Variants in PLEKHA8 observed in about 807,000 individuals in gnomAD.
PLEKHA8 encodes pleckstrin homology domain-containing family A member 8.
Under a neutral mutation model 68.2 loss-of-function variants are expected in PLEKHA8, and 36 were observed. That is an observed-to-expected ratio of 0.53 (90% CI 0.40 to 0.70). The LOEUF is 0.70. Among genes scored for constraint, PLEKHA8 ranks in the 30% least tolerant of loss-of-function variants. The probability of loss-of-function intolerance (pLI) is 0.00; values close to 1 mark genes in which losing one functional copy is unlikely to be tolerated. For synonymous variants in PLEKHA8, 211 were observed against 216.1 expected, an observed-to-expected ratio of 0.98 and a Z score of 0.20; for missense variants, 505 against 615.4, an observed-to-expected ratio of 0.82 and a Z score of 1.90.
At chr7:30,115,852 ATACATACGTG>A (rs1796471803) in intron 13 of PLEKHA8, 2 of 149,376 alleles carry the variant, frequency 1.3e-5, no homozygotes, top group African/African-American at 4.9e-5. Context: ...ACACGTATGC[ATACATACGTG>A]CACATACATG....
intron 1 of PLEKHA8, among the ~76,000 whole-genome samples, chr7:30,043,659 C>T (rs558435656): frequency 1.8e-4 from 27 of 152,272 alleles, no homozygotes; most frequent in Middle Eastern, 3.4e-3. Flanking sequence ...AAATATGTTG[C>T]CTACCTACCC....
intron 13 of PLEKHA8, among the ~76,000 whole-genome samples, chr7:30,098,409 G>A (rs1292258363): frequency 6.6e-6 from 1 of 152,272 alleles, no homozygotes; most frequent in Non-Finnish European, 1.5e-5. Flanking sequence ...GTTTGTCTGT[G>A]CCCTGCCCCC....
chr7:30,055,458 T>G, intron 9 of PLEKHA8, 116 bp downstream of exon 9: 1 of 870,850 alleles, frequency 1.1e-6, no homozygotes, highest in Non-Finnish European at 1.9e-6. Context: ...CTTGGCTATT[T>G]GTTCAAATCA....
At chr7:30,036,285 G>A (rs568552115) in intron 1 of PLEKHA8, among the ~76,000 whole-genome samples, 20 of 151,872 alleles carry the variant, frequency 1.3e-4, no homozygotes, top group African/African-American at 4.1e-4. Context: ...TAAATAAATA[G>A]ATAGATAGAT....
rs953316990 is a variant in PLEKHA8, at chr7:30,081,415, C to G, written c.*2628C>G. ...ATACTAAACAGTAAATTCAGCTTAACCTGAACCTTGGCATAGTCAGAGCTT... is the reference window on the plus strand; with the variant it reads ...ATACTAAACAGTAAATTCAGCTTAAGCTGAACCTTGGCATAGTCAGAGCTT... On this transcript the variant is annotated 3_prime_UTR_variant, in exon 14 of 14. Transcript: ENST00000449726. The G allele has an allele frequency of 1.0e-6, 1 of 984,510 alleles. No individual in the cohort carries two copies. Among genetic ancestry groups the G allele is most frequent in the African/African-American group, 1.7e-5 (1 of 57,336 alleles). 61.0% of individuals were successfully genotyped at this position (984,510 alleles called of 1,614,324 possible). A position where few individuals can be genotyped will look rare whatever the true frequency, so the allele number is the denominator to read the frequency against.
At chr7:30,074,246 TTG>T (rs149548208) in intron 13 of PLEKHA8, 114 bp downstream of exon 13, 5,060 of 484,196 alleles carry the variant, frequency 0.01, no homozygotes, top group Non-Finnish European at 0.012. Flanking sequence ...AGAAACAAAG[TTG>T]TGTGTGTGTG....
At chr7:30,097,457 G>A (rs559193591) in intron 13 of PLEKHA8, among the ~76,000 whole-genome samples, 27 of 152,228 alleles carry the variant, frequency 1.8e-4, no homozygotes, top group African/African-American at 6.5e-4. Flanking sequence ...ATCACTTTCA[G>A]GTACACCAAT....
chr7:30,038,157 G>A (rs1304981327), intron 1 of PLEKHA8, among the ~76,000 whole-genome samples: 1 of 152,110 alleles, frequency 6.6e-6, no homozygotes. Flanking sequence ...TTATTTAAGA[G>A]TCATTATTGG....
rs78275840 is a variant in PLEKHA8, at chr7:30,089,762, A to G, written c.1301-391A>G. ...CACAGGTGTGTTGTGCTCTCAGAGA[A>G]CTTAGAAAACATGAACTCAATAAAA... On this transcript the variant is annotated intron_variant, in intron 12 of 12. Transcript: ENST00000258679. 0.013 allele frequency among the ~76,000 whole-genome samples: 1,969 copies of G among 152,312 alleles called. 66 individuals are homozygous for G. The East Asian group carries it at 0.13, about 10-fold the overall frequency.
chr7:30,042,198 C>T (rs554963993), intron 1 of PLEKHA8, among the ~76,000 whole-genome samples: 6 of 152,304 alleles, frequency 3.9e-5, no homozygotes, highest in African/African-American at 1.4e-4. Flanking sequence ...TAGCATGGAA[C>T]TTAACCGTGA....
intron 13 of PLEKHA8, among the ~76,000 whole-genome samples, chr7:30,109,578 C>T (rs1353789255): frequency 3.3e-5 from 3 of 91,344 alleles, no homozygotes; most frequent in African/African-American, 8.3e-5. Flanking sequence ...ACGAGTGAAA[C>T]TCTGTCTCAA....
In PLEKHA8 at chr7:30,118,678, T is replaced by C. The variant is rs574822051; in HGVS notation, c.1363-10588T>C. Among the ~76,000 whole-genome samples the C allele has an allele frequency of 1.9e-3, 294 of 151,982 alleles. 3 individuals carry two copies. The highest frequency in any genetic ancestry group is 0.018 in the South Asian group (88 of 4,808). ...CTGCAAGCTCCGCCTGCCGGGTTCATGCCATTCTCCTGCCTCAGCCTCCCC... is the reference window on the plus strand; with the variant it reads ...CTGCAAGCTCCGCCTGCCGGGTTCACGCCATTCTCCTGCCTCAGCCTCCCC... On this transcript the variant is annotated intron_variant, in intron 13 of 13. Coordinates refer to the PLEKHA8 transcript ENST00000396257.
intron 13 of PLEKHA8, among the ~76,000 whole-genome samples, chr7:30,111,313 G>A (rs1175056604): frequency 2.0e-5 from 3 of 151,988 alleles, no homozygotes; most frequent in Non-Finnish European, 2.9e-5. Context: ...AAAATCAATT[G>A]ACTATTAATA....
At chr7:30,089,304 C>A (rs1795310585), downstream of PLEKHA8, among the ~76,000 whole-genome samples, 2 of 152,116 alleles carry the variant, frequency 1.3e-5, no homozygotes, top group Admixed American at 1.3e-4. Context: ...TCATGCTGTT[C>A]TGGCCACCCC....
intron 13 of PLEKHA8, among the ~76,000 whole-genome samples, chr7:30,104,066 G>C (rs1379681403): frequency 1.3e-5 from 2 of 152,114 alleles, no homozygotes; most frequent in East Asian, 3.8e-4. Flanking sequence ...TTTTATAAAA[G>C]ACCACATACA....
chr7:30,050,578 G>T, intron 6 of PLEKHA8, 104 bp downstream of exon 6: 2 of 1,343,888 alleles, frequency 1.5e-6, no homozygotes, highest in South Asian at 3.2e-5. Flanking sequence ...TTTTTCTCAG[G>T]ATTTGAAATA....
At chr7:30,116,946 G>A (rs1231655653) in intron 13 of PLEKHA8, among the ~76,000 whole-genome samples, 5 of 152,368 alleles carry the variant, frequency 3.3e-5, no homozygotes, top group Non-Finnish European at 7.3e-5. Flanking sequence ...GCACTCCCCT[G>A]CCCGCCTTCC....
chr7:30,078,982 A>T lies in PLEKHA8; in HGVS notation c.*195A>T. ...TTGTTTAAAGATCAAGGTGCTATAT[A>T]TTTCAGTTCAGCAGGCCTACTGGAA... On this transcript the variant is annotated 3_prime_UTR_variant, in exon 14 of 14. Coordinates refer to ENST00000449726, the MANE Select transcript of PLEKHA8 (RefSeq NM_001197026.2). 2.2e-6 allele frequency: 3 copies of T among 1,362,610 alleles called. No homozygotes were observed. In the Admixed American group the frequency reaches 9.9e-5, roughly 45 times the overall value. The allele number at this position is 1,362,610 out of a possible 1,614,324, so 84.4% of individuals were successfully genotyped here.
chr7:30,109,752 A>G (rs1340663814), intron 13 of PLEKHA8, among the ~76,000 whole-genome samples: 1 of 150,546 alleles, frequency 6.6e-6, no homozygotes, highest in East Asian at 2.0e-4. Flanking sequence ...CCTCACTGCA[A>G]CCTTCGCCTC....
Sources: gnomAD v4.1 joint callset for allele counts (sites outside exome capture counted in the v4.1 genomes callset) on GRCh38, gnomAD v4.1.1 for gene constraint, MANE v1.5 for transcripts, NCBI Gene and HGNC (gene_info 2026-07-23, HGNC 2026-07-21) for gene names.